Variants in UNC5C observed in about 807,000 individuals in gnomAD.
UNC5C encodes netrin receptor UNC5C.
Under a neutral mutation model 99.8 loss-of-function variants are expected in UNC5C, and 47 were observed. That is an observed-to-expected ratio of 0.47 (90% CI 0.37 to 0.60). The LOEUF (loss-of-function observed/expected upper bound fraction) is 0.60, where lower values mean the gene tolerates loss of function less well. Among genes scored for constraint, UNC5C ranks in the 20% least tolerant of loss-of-function variants. The pLI is 0.00. For synonymous variants in UNC5C, 487 were observed against 452.2 expected, an observed-to-expected ratio of 1.08 and a Z score of -0.98; for missense variants, 1,062 against 1,165.9, an observed-to-expected ratio of 0.91 and a Z score of 1.30.
chr4:95,374,675 G>T (rs1271446629), intron 1 of UNC5C, among the ~76,000 whole-genome samples: 1 of 152,126 alleles, frequency 6.6e-6, no homozygotes, highest in African/African-American at 2.4e-5. Context: ...GTGAGGAGGA[G>T]CATAGTTGGG....
chr4:95,444,627 G>T (rs1410752345), intron 1 of UNC5C, among the ~76,000 whole-genome samples: 3 of 152,144 alleles, frequency 2.0e-5, no homozygotes, highest in Non-Finnish European at 4.4e-5. Context: ...CACCGCGCCG[G>T]GCCTGCATTG....
At chr4:95,485,176 T>C (rs1721291051) in intron 1 of UNC5C, among the ~76,000 whole-genome samples, 1 of 151,816 alleles carries the variant, frequency 6.6e-6, no homozygotes, top group Non-Finnish European at 1.5e-5. Flanking sequence ...TTATGTGTTC[T>C]GGCAACAATT....
chr4:95,514,628 ATATT>A (rs960021316), intron 1 of UNC5C, among the ~76,000 whole-genome samples: 26 of 148,504 alleles, frequency 1.8e-4, no homozygotes, highest in South Asian at 6.3e-4. Flanking sequence ...CAATATAAAT[ATATT>A]TATTTATTTA....
chr4:95,288,962 T>C (rs1056172168), intron 3 of UNC5C, among the ~76,000 whole-genome samples: 9 of 152,192 alleles, frequency 5.9e-5, no homozygotes, highest in Non-Finnish European at 1.3e-4. Flanking sequence ...GGGGTCATTA[T>C]CTATCCTGCT....
intron 1 of UNC5C, among the ~76,000 whole-genome samples, chr4:95,459,044 C>T (rs968140641): frequency 3.3e-5 from 5 of 152,076 alleles, no homozygotes; most frequent in South Asian, 4.1e-4. Context: ...TTTTGATTTA[C>T]ACCCCTGTTA....
chr4:95,473,751 G>A (rs1013699159), intron 1 of UNC5C, among the ~76,000 whole-genome samples: 2 of 152,078 alleles, frequency 1.3e-5, no homozygotes, highest in Non-Finnish European at 2.9e-5. Context: ...ACTCCTCTGT[G>A]CCATGTTCCA....
chr4:95,336,600 T>C (rs1255106122), intron 1 of UNC5C, among the ~76,000 whole-genome samples: 2 of 151,886 alleles, frequency 1.3e-5, no homozygotes, highest in African/African-American at 4.8e-5. Flanking sequence ...AAGATAGCCA[T>C]TGGTATAGTG....
rs1007736483 is a variant in UNC5C at position 95,170,397 on chromosome 4, C to T, written c.2452-65G>A. 5.2e-6 allele frequency: 8 copies of T among 1,543,304 alleles called. No individual in the cohort carries two copies. In the Admixed American group the frequency reaches 5.2e-5, roughly 10 times the overall value. ...AGGACAAAAGCAATCTCTATTGAAC[C>T]AATCAACATAATGCCTTGCTTTGAG... On this transcript the variant is annotated intron_variant, in intron 14 of 15. Coordinates refer to ENST00000453304, the MANE Select transcript of UNC5C (RefSeq NM_003728.4).
intron 1 of UNC5C, among the ~76,000 whole-genome samples, chr4:95,463,511 TG>T (rs11301176): frequency 0.1 from 15,232 of 152,052 alleles, 2,172 homozygotes; most frequent in African/African-American, 0.32. Context: ...ACAGAGCAGA[TG>T]GCCAGAGGAG....
chr4:95,467,710 C>G (rs950785193), intron 1 of UNC5C, among the ~76,000 whole-genome samples: 1 of 152,032 alleles, frequency 6.6e-6, no homozygotes, highest in Admixed American at 6.6e-5. Flanking sequence ...GGGCACCAAC[C>G]CTTCACATAG....
intron 7 of UNC5C, among the ~76,000 whole-genome samples, chr4:95,233,198 G>A (rs1021772123): frequency 4.6e-5 from 7 of 152,192 alleles, no homozygotes; most frequent in South Asian, 2.1e-4. Context: ...GCTGTGTGAC[G>A]TGTAATTTTT....
At chr4:95,396,204 T>C (rs1241194351) in intron 1 of UNC5C, among the ~76,000 whole-genome samples, 2 of 152,158 alleles carry the variant, frequency 1.3e-5, no homozygotes, top group East Asian at 1.9e-4. Flanking sequence ...TGCTGACCCA[T>C]AGATATCAGA....
At chr4:95,309,630 G>C (rs1742203064) in intron 2 of UNC5C, among the ~76,000 whole-genome samples, 1 of 152,086 alleles carries the variant, frequency 6.6e-6, no homozygotes, top group Non-Finnish European at 1.5e-5. Context: ...GATCCCAAAA[G>C]ACACGTTTCA....
At chr4:95,258,722 C>T (rs1320075726) in intron 4 of UNC5C, among the ~76,000 whole-genome samples, 1 of 142,320 alleles carries the variant, frequency 7.0e-6, no homozygotes, top group African/African-American at 2.6e-5. Flanking sequence ...ATTAGTCCCA[C>T]TATGTGTAAT....
intron 1 of UNC5C, among the ~76,000 whole-genome samples, chr4:95,474,901 A>G (rs1209840749): frequency 6.6e-6 from 1 of 152,040 alleles, no homozygotes; most frequent in Non-Finnish European, 1.5e-5. Flanking sequence ...TTCTAACACC[A>G]CAGATGACTC....
intron 1 of UNC5C, among the ~76,000 whole-genome samples, chr4:95,407,272 C>T (rs959706385): frequency 2.6e-5 from 4 of 151,992 alleles, no homozygotes; most frequent in African/African-American, 9.7e-5. Context: ...GATACGAGGG[C>T]ACTAAAATTT....
chr4:95,400,816 G>A (rs1745671828), intron 1 of UNC5C, among the ~76,000 whole-genome samples: 1 of 152,198 alleles, frequency 6.6e-6, no homozygotes, highest in Non-Finnish European at 1.5e-5. Context: ...CTGCATTGCA[G>A]CCTGTGAGAC....
chr4:95,219,458 AG>A, intron 8 of UNC5C, 145 bp from the exon 9 acceptor site: 1 of 726,144 alleles, frequency 1.4e-6, no homozygotes, highest in Admixed American at 2.9e-5. Context: ...TACTGAAAAC[AG>A]GGCAATCAGA....
chr4:95,307,426 A>G (rs2149406498), intron 2 of UNC5C, among the ~76,000 whole-genome samples: 1 of 152,296 alleles, frequency 6.6e-6, no homozygotes, highest in East Asian at 1.9e-4. Flanking sequence ...ACACTTACAG[A>G]GACTGAATCA....
Sources: allele counts gnomAD v4.1 joint callset (sites outside exome capture counted in the v4.1 genomes callset), GRCh38; gene constraint gnomAD v4.1.1; transcripts MANE v1.5; gene names NCBI Gene and HGNC (gene_info 2026-07-23, HGNC 2026-07-21).